CCSER1: variants seen among roughly 807,000 people sequenced by gnomAD.
The protein encoded by CCSER1 is coiled-coil serine rich protein 1.
Under a neutral mutation model 82.0 loss-of-function variants are expected in CCSER1, and 41 were observed. That is an observed-to-expected ratio of 0.50 (90% CI 0.39 to 0.65). CCSER1 has a LOEUF of 0.65. CCSER1 is among the 30% of genes least tolerant of loss of function. CCSER1 has a pLI of 0.00. For synonymous variants in CCSER1, 414 were observed against 383.9 expected, an observed-to-expected ratio of 1.08 and a Z score of -0.92; for missense variants, 1,119 against 1,064.2, an observed-to-expected ratio of 1.05 and a Z score of -0.72.
intron 10 of CCSER1, among the ~76,000 whole-genome samples, chr4:91,260,283 C>T (rs1232822299): frequency 6.6e-6 from 1 of 152,126 alleles, no homozygotes; most frequent in African/African-American, 2.4e-5. Context: ...ACTGTTCTTC[C>T]CATACACCAC....
At position 91,262,815 on chromosome 4, in the gene CCSER1, C is replaced by T. The variant is rs535086880; in HGVS notation, c.2217+176821C>T. Among the ~76,000 whole-genome samples the T allele has an allele frequency of 8.6e-5, 13 of 151,556 alleles. No individual in the cohort carries two copies. In the East Asian group the frequency reaches 1.6e-3, roughly 18 times the overall value. ...ACATTATACGAGTATAATTACATTT[C>T]GATCTCTGTGATTTAAACATGAGGC... is the stretch of plus-strand genomic sequence containing the variant. On this transcript the variant is annotated intron_variant, in intron 10 of 10. Transcript: ENST00000509176.
chr4:91,099,587 G>T (rs757322288), intron 10 of CCSER1, among the ~76,000 whole-genome samples: 36 of 152,224 alleles, frequency 2.4e-4, no homozygotes, highest in Middle Eastern at 3.4e-3. Flanking sequence ...TTACATTTTA[G>T]AGAGGCATGA....
At chr4:90,750,004 T>G (rs1272393879) in intron 7 of CCSER1, among the ~76,000 whole-genome samples, 1 of 152,166 alleles carries the variant, frequency 6.6e-6, no homozygotes, top group African/African-American at 2.4e-5. Context: ...TGAGATGATA[T>G]CTCATTGTGG....
At chr4:91,206,722 G>A (rs1736379515) in intron 10 of CCSER1, among the ~76,000 whole-genome samples, 1 of 151,804 alleles carries the variant, frequency 6.6e-6, no homozygotes, top group African/African-American at 2.4e-5. Flanking sequence ...GATACCCCAT[G>A]AGGCAAGAAA....
chr4:90,777,851 T>C (rs937869279), intron 7 of CCSER1, among the ~76,000 whole-genome samples: 1 of 152,090 alleles, frequency 6.6e-6, no homozygotes, highest in Non-Finnish European at 1.5e-5. Flanking sequence ...GGTAAAATGT[T>C]TACACATCTA....
intron 8 of CCSER1, among the ~76,000 whole-genome samples, chr4:90,890,520 G>T (rs1722806205): frequency 6.6e-6 from 1 of 152,124 alleles, no homozygotes; most frequent in Admixed American, 6.6e-5. Flanking sequence ...GGCCTACATT[G>T]CCTGCAGACA....
At chr4:90,128,494 C>T (rs200530243) in intron 1 of CCSER1, among the ~76,000 whole-genome samples, 4 of 149,954 alleles carry the variant, frequency 2.7e-5, no homozygotes, top group Non-Finnish European at 5.9e-5. Flanking sequence ...AGGTTGTGTG[C>T]GTGTGTGTGT....
intron 8 of CCSER1, among the ~76,000 whole-genome samples, chr4:90,834,969 ATTTAT>A (rs752590117): frequency 2.0e-5 from 3 of 152,172 alleles, no homozygotes; most frequent in Non-Finnish European, 4.4e-5. Context: ...TGTTTCTAAT[ATTTAT>A]TTTATTTTAT....
intron 1 of CCSER1, among the ~76,000 whole-genome samples, chr4:90,290,612 G>A (rs771915309): frequency 2.0e-5 from 3 of 151,776 alleles, no homozygotes; most frequent in Non-Finnish European, 4.4e-5. Flanking sequence ...TCTGTAGGAC[G>A]GTACAACTGT....
intron 10 of CCSER1, among the ~76,000 whole-genome samples, chr4:91,133,404 T>A (rs1728176354): frequency 6.6e-6 from 1 of 152,130 alleles, no homozygotes; most frequent in African/African-American, 2.4e-5. Context: ...CAGATATTGA[T>A]CACATAGGAA....
intron 1 of CCSER1, among the ~76,000 whole-genome samples, chr4:90,227,759 G>A (rs936915393): frequency 6.6e-6 from 1 of 152,208 alleles, no homozygotes; most frequent in African/African-American, 2.4e-5. Flanking sequence ...AAGTCAATGG[G>A]TGCGCGCACC....
intron 7 of CCSER1, among the ~76,000 whole-genome samples, chr4:90,753,543 TATAA>T (rs1358911949): frequency 6.6e-6 from 1 of 152,114 alleles, no homozygotes; most frequent in Non-Finnish European, 1.5e-5. Context: ...GTTGAGAATA[TATAA>T]ATATATTCCA....
intron 10 of CCSER1, among the ~76,000 whole-genome samples, chr4:91,220,912 AC>A (rs1737690037): frequency 6.6e-6 from 1 of 152,172 alleles, no homozygotes; most frequent in South Asian, 2.1e-4. Flanking sequence ...AATTTAAAAA[AC>A]AAAATGTGAA....
chr4:90,501,133 C>T (rs1469396819), intron 5 of CCSER1, among the ~76,000 whole-genome samples: 2 of 151,996 alleles, frequency 1.3e-5, no homozygotes, highest in African/African-American at 2.4e-5. Flanking sequence ...GAATTTATCC[C>T]TTTGTACCTT....
chr4:90,409,087 A>C (rs1419424388), intron 4 of CCSER1, among the ~76,000 whole-genome samples: 5 of 152,218 alleles, frequency 3.3e-5, no homozygotes, highest in Admixed American at 6.5e-5. Context: ...AGAAAAAAGA[A>C]TAAAAAGAAA....
At chr4:90,461,611 C>G (rs1460062090) in intron 4 of CCSER1, among the ~76,000 whole-genome samples, 1 of 151,964 alleles carries the variant, frequency 6.6e-6, no homozygotes, top group Non-Finnish European at 1.5e-5. Flanking sequence ...ATAACATTTT[C>G]TCATATCTCA....
At chr4:90,877,127 AT>A (rs1767313756) in intron 8 of CCSER1, among the ~76,000 whole-genome samples, 1 of 152,074 alleles carries the variant, frequency 6.6e-6, no homozygotes, top group African/African-American at 2.4e-5. Flanking sequence ...TCAAAGACTT[AT>A]TTCTTGCTCA....
At chr4:90,596,065 T>C (rs1456977779) in intron 5 of CCSER1, among the ~76,000 whole-genome samples, 2 of 151,920 alleles carry the variant, frequency 1.3e-5, no homozygotes, top group Non-Finnish European at 2.9e-5. Flanking sequence ...ATTTCTATTA[T>C]ATTCTCAGAT....
chr4:90,770,496 T>C (rs188698813), intron 7 of CCSER1, among the ~76,000 whole-genome samples: 6 of 152,358 alleles, frequency 3.9e-5, no homozygotes, highest in Admixed American at 2.6e-4. Flanking sequence ...TAATGAGTTA[T>C]TGAACAAGAT....
Sources: allele counts gnomAD v4.1 joint callset (sites outside exome capture counted in the v4.1 genomes callset), GRCh38; gene constraint gnomAD v4.1.1; transcripts MANE v1.5; gene names NCBI Gene and HGNC (gene_info 2026-07-23, HGNC 2026-07-21).